Variants in MYLK observed in about 807,000 individuals in gnomAD.
MYLK encodes myosin light chain kinase.
A neutral mutation model predicts 203.4 loss-of-function variants in MYLK; 106 were observed. The ratio of observed to expected loss-of-function variants is 0.52; its 90% CI spans 0.45 to 0.61. The LOEUF (loss-of-function observed/expected upper bound fraction) is 0.61. Ranked by LOEUF, MYLK falls within the 20% of genes least tolerant of loss-of-function variation. The pLI is 0.00. For synonymous variants in MYLK, 867 were observed against 959.5 expected, an observed-to-expected ratio of 0.90 and a Z score of 1.78; for missense variants, 2,072 against 2,442.3, an observed-to-expected ratio of 0.85 and a Z score of 3.20.
At chr3:123,835,376 G>T (rs1396513007) in intron 2 of MYLK, among the ~76,000 whole-genome samples, 3 of 152,112 alleles carry the variant, frequency 2.0e-5, no homozygotes, top group Non-Finnish European at 2.9e-5. Flanking sequence ...TTTCTATTAG[G>T]CTCAGAGACG....
chr3:123,864,991 C>T (rs1366783029), intron 2 of MYLK, among the ~76,000 whole-genome samples: 1 of 152,174 alleles, frequency 6.6e-6, no homozygotes, highest in Non-Finnish European at 1.5e-5. Flanking sequence ...CCTCCCCTTG[C>T]TGGCTTTCCT....
chr3:123,673,280 C>T (rs531248450), intron 20 of MYLK, among the ~76,000 whole-genome samples: 2 of 151,396 alleles, frequency 1.3e-5, no homozygotes, highest in South Asian at 4.2e-4. Context: ...CTCATCTCAG[C>T]ACCCACTCAG....
intron 22 of MYLK, among the ~76,000 whole-genome samples, 177 bp from the exon 23 acceptor site, chr3:123,664,435 T>C (rs993846078): frequency 4.0e-5 from 6 of 150,318 alleles, no homozygotes; most frequent in African/African-American, 7.3e-5. Flanking sequence ...ACATCCAGAG[T>C]CCAGCTTCCC....
intron 2 of MYLK, among the ~76,000 whole-genome samples, chr3:123,853,111 C>T (rs1160863041): frequency 6.6e-6 from 1 of 151,722 alleles, no homozygotes; most frequent in Non-Finnish European, 1.5e-5. Flanking sequence ...TCCCAAGTCA[C>T]CGAATAACTC....
At chr3:123,761,657 T>A (rs1464371021) in intron 4 of MYLK, among the ~76,000 whole-genome samples, 1 of 152,150 alleles carries the variant, frequency 6.6e-6, no homozygotes, top group African/African-American at 2.4e-5. Flanking sequence ...AGAGAAGGAA[T>A]CAAAAGTTGT....
At chr3:123,872,206 A>C (rs1165050105) in intron 2 of MYLK, among the ~76,000 whole-genome samples, 1 of 152,170 alleles carries the variant, frequency 6.6e-6, no homozygotes, top group Non-Finnish European at 1.5e-5. Context: ...GAGGAGATTT[A>C]TGAGAGTTGA....
At chr3:123,844,211 A>T (rs2066657112) in intron 2 of MYLK, among the ~76,000 whole-genome samples, 1 of 152,146 alleles carries the variant, frequency 6.6e-6, no homozygotes, top group Non-Finnish European at 1.5e-5. Flanking sequence ...AGGCTAGTGG[A>T]CATGGGCCCC....
At chr3:123,798,547 C>T (rs1006137048) in intron 3 of MYLK, among the ~76,000 whole-genome samples, 2 of 152,084 alleles carry the variant, frequency 1.3e-5, no homozygotes, top group African/African-American at 4.8e-5. Context: ...ATCAGAGGCC[C>T]ATGGAAATCT....
At chr3:123,718,091 G>A (rs138799987) in intron 13 of MYLK, among the ~76,000 whole-genome samples, 140 of 152,132 alleles carry the variant, frequency 9.2e-4, no homozygotes, top group Middle Eastern at 3.4e-3. Context: ...CGAACTCCTC[G>A]GCTCAAGAGA....
rs2059661444 is a variant in MYLK, at chr3:123,664,249, T to C, written c.3841A>G (p.Ser1281Gly). 1 of 1,614,054 alleles carries C rather than the reference T, an allele frequency of 6.2e-7. No individual in the cohort carries two copies. Among genetic ancestry groups the C allele is most frequent in the Non-Finnish European group, 8.5e-7 (1 of 1,180,036 alleles). The part of the protein sequence containing the change: ...WMKFRKQIQE[S>G]EHMKVENSEN... ...CTGTTCTCCACCTTCATGTGCTCGC[T>C]TTCCTGGATCTAGGGGCGGAGGATG... Residue 1281 changes from serine (S) to glycine (G), a missense_variant, in exon 23 of 34, where the codon AGC (serine) becomes GGC (glycine). Coordinates refer to ENST00000360304, the MANE Select transcript of MYLK (RefSeq NM_053025.4).
At position 123,620,268 on chromosome 3, in the gene MYLK, G is replaced by T. The variant is rs2107889849; in HGVS notation, c.5307C>A (p.Gly1769=). 1 of 1,614,168 alleles carries T rather than the reference G, an allele frequency of 6.2e-7. No individual in the cohort carries two copies. The highest frequency in any genetic ancestry group is 8.5e-7 in the Non-Finnish European group (1 of 1,180,036). Residue 1769 remains glycine, a synonymous_variant, in exon 32 of 34, where the codon GGC becomes GGA. Transcript: ENST00000360304. ...SSMAMISGLS[G]RKSSTGSPTS... Reference sequence around the variant, plus strand: ...TTGGTGACCCTGTTGAGGATTTCCTGCCACTGAGCCCTGAGATCATTGCCA... The same window carrying T: ...TTGGTGACCCTGTTGAGGATTTCCTTCCACTGAGCCCTGAGATCATTGCCA...
intron 3 of MYLK, among the ~76,000 whole-genome samples, chr3:123,809,494 C>G (rs952652600): frequency 6.6e-6 from 1 of 152,140 alleles, no homozygotes; most frequent in African/African-American, 2.4e-5. Flanking sequence ...CCACTGCACT[C>G]CAGCCTGGGC....
At chr3:123,839,301 A>C (rs2066539881) in intron 2 of MYLK, among the ~76,000 whole-genome samples, 1 of 152,212 alleles carries the variant, frequency 6.6e-6, no homozygotes, top group South Asian at 2.1e-4. Context: ...GTTATATGCT[A>C]TCCACAAAAA....
chr3:123,787,979 G>A (rs2109070133), intron 4 of MYLK, among the ~76,000 whole-genome samples: 1 of 152,334 alleles, frequency 6.6e-6, no homozygotes, highest in South Asian at 2.1e-4. Flanking sequence ...GGAGGGAAAG[G>A]AGACAAGGCT....
At chr3:123,882,967 C>T (rs1357238124) in intron 1 of MYLK, among the ~76,000 whole-genome samples, 1 of 152,184 alleles carries the variant, frequency 6.6e-6, no homozygotes, top group Non-Finnish European at 1.5e-5. Flanking sequence ...CCCTAAATGC[C>T]TTGTAGGAAC....
At chr3:123,663,637 C>G (rs1367698843) in intron 23 of MYLK, among the ~76,000 whole-genome samples, 2 of 152,016 alleles carry the variant, frequency 1.3e-5, no homozygotes, top group Non-Finnish European at 1.5e-5. Context: ...CCCCCAAGGA[C>G]CTGGGGTCCA....
chr3:123,883,452 T>A (rs2682230), intron 1 of MYLK, among the ~76,000 whole-genome samples: 127,194 of 151,116 alleles, frequency 0.84, 53,881 homozygotes, highest in East Asian at 0.96. Context: ...CTAAAAAAAA[T>A]ATATATCCTT....
intron 27 of MYLK, among the ~76,000 whole-genome samples, chr3:123,646,620 C>T (rs148284442): frequency 5.3e-5 from 8 of 152,292 alleles, no homozygotes; most frequent in South Asian, 4.1e-4. Context: ...ATGAATTCTG[C>T]GAAAGGCTTG....
At position 123,642,110 on chromosome 3, in the gene MYLK, GAA is replaced by G. The variant is rs2058858377; in HGVS notation, c.4620-1608_4620-1607del. 6.6e-6 allele frequency among the ~76,000 whole-genome samples: 1 copy of G among 152,112 alleles called. No individual in the cohort carries two copies. The highest frequency in any genetic ancestry group is 1.5e-5 in the Non-Finnish European group (1 of 68,036). ...GCAGTGGCCTGTAGGTCCACCAGTT[GAA>G]CAAGGCCGGGTGGGTTCTGGGCCTG... On this transcript the variant is annotated intron_variant, in intron 27 of 33. Coordinates refer to ENST00000360304, the MANE Select transcript of MYLK (RefSeq NM_053025.4). The surrounding 1 kb of genome is among the most constrained non-coding windows in gnomAD (Gnocchi z 4.2).
Sources: gnomAD v4.1 joint callset for allele counts (sites outside exome capture counted in the v4.1 genomes callset) on GRCh38, gnomAD v4.1.1 for gene constraint, Gnocchi (gnomAD v3.1) non-coding constraint, MANE v1.5 for transcripts, NCBI Gene and HGNC (gene_info 2026-07-23, HGNC 2026-07-21) for gene names.